Variants in WDFY4 observed in about 807,000 individuals in gnomAD.
WDFY4 encodes the protein WDFY family member 4.
WDFY4 carries 169 observed loss-of-function variants against 351.9 expected under a neutral mutation model. The observed-to-expected ratio is 0.48, with a 90% CI of 0.42 to 0.55. WDFY4 has a LOEUF of 0.55. Among genes scored for constraint, WDFY4 ranks in the 20% least tolerant of loss-of-function variants. The pLI is 0.00. For missense variants in WDFY4, 3,803 were observed against 3,935.6 expected (o/e 0.97, Z 0.90); for synonymous variants, 1,622 against 1,574.6 (o/e 1.03, Z -0.71).
chr10:48,748,684 AT>A (rs375476779), intron 12 of WDFY4, among the ~76,000 whole-genome samples: 65 of 151,288 alleles, frequency 4.3e-4, no homozygotes, highest in East Asian at 2.7e-3. Context: ...TAAATAGAGC[AT>A]TTTTTTTTCT....
At position 48,778,702 on chromosome 10, in the gene WDFY4, G is replaced by C. The variant is rs759745530; in HGVS notation, c.3267G>C (p.Pro1089=). The C allele has an allele frequency of 3.9e-5, 60 of 1,551,524 alleles. No homozygotes were observed. The highest frequency in any genetic ancestry group is 5.1e-5 in the Non-Finnish European group (58 of 1,147,020). The change falls in exon 18 of 62, where the codon CCG becomes CCC. Residue 1089 remains proline, a synonymous_variant. Transcript: ENST00000325239. ...ATGGAGCTGCCACTGAGGGCCACCC[G>C]CTGCGCTTCCTGACGTTGGTGCGCC... The part of the protein sequence containing the change: ...SRHGAATEGH[P]LRFLTLVRHL...
At chr10:48,982,419 T>G (rs1842849119) in intron 61 of WDFY4, 90 bp from the exon 62 acceptor site, 5 of 1,187,164 alleles carry the variant, frequency 4.2e-6, no homozygotes, top group South Asian at 1.6e-5. Context: ...GGGCCCCAGA[T>G]AGAGCCCCAG....
intron 47 of WDFY4, among the ~76,000 whole-genome samples, chr10:48,903,622 T>A (rs1328608441): frequency 2.0e-5 from 3 of 152,220 alleles, no homozygotes; most frequent in Non-Finnish European, 4.4e-5. Flanking sequence ...GGATTTAGGC[T>A]TCAGCAATTG....
intron 47 of WDFY4, among the ~76,000 whole-genome samples, chr10:48,940,546 G>A (rs1021074820): frequency 1.4e-4 from 22 of 152,324 alleles, no homozygotes; most frequent in East Asian, 7.7e-4. Flanking sequence ...GACTGAGCCC[G>A]GCAGGGTCCT....
intron 24 of WDFY4, among the ~76,000 whole-genome samples, chr10:48,803,017 G>A (rs1230282902): frequency 6.6e-6 from 1 of 152,216 alleles, no homozygotes; most frequent in Non-Finnish European, 1.5e-5. Flanking sequence ...GCAGATGGGG[G>A]AGATGGTTAG....
chr10:48,840,529 C>T (rs528953147), intron 39 of WDFY4, among the ~76,000 whole-genome samples: 1 of 151,630 alleles, frequency 6.6e-6, no homozygotes, highest in African/African-American at 2.4e-5. Flanking sequence ...ACACCCCCAC[C>T]CACACACACA....
rs1454140902 is a variant in WDFY4, at chr10:48,982,685, C to G, written c.*110C>G. ...AAGAAACCCCCAGGGCCTCCTTCCCCACAGTTCTCAAGGAAGGGCCTCTGG... is the reference window on the plus strand; with the variant it reads ...AAGAAACCCCCAGGGCCTCCTTCCCGACAGTTCTCAAGGAAGGGCCTCTGG... On this transcript the variant is annotated 3_prime_UTR_variant, in exon 62 of 62. Transcript: ENST00000325239. 9.0e-7 allele frequency: 1 copy of G among 1,117,080 alleles called. No homozygotes were observed. The highest frequency in any genetic ancestry group is 1.6e-5 in the African/African-American group (1 of 64,010). The allele number at this position is 1,117,080 out of a possible 1,614,324, so 69.2% of individuals were successfully genotyped here.
Position 48,895,063 on chromosome 10 carries a change from CT to C in WDFY4, c.7317-2390del, listed in dbSNP as rs113042057. Among the ~76,000 whole-genome samples, 378 of 152,334 alleles carry C rather than the reference CT, an allele frequency of 2.5e-3. 5 individuals carry two copies. Among genetic ancestry groups the C allele is most frequent in the African/African-American group, 8.7e-3 (360 of 41,570 alleles). On this transcript the variant is annotated intron_variant, in intron 44 of 61. Transcript: ENST00000325239. The stretch of plus-strand genomic sequence containing the variant: ...GAGGAGAGGGCCTGGGAGGGTTGTT[CT>C]GAGAAGGGTCTGCAGAGAGCCTGAG...
intron 7 of WDFY4, among the ~76,000 whole-genome samples, chr10:48,728,787 T>C (rs1488329745): frequency 3.3e-5 from 5 of 152,250 alleles, no homozygotes; most frequent in African/African-American, 9.6e-5. Context: ...AATTTTTGGT[T>C]CATTGGGTGT....
intron 47 of WDFY4, among the ~76,000 whole-genome samples, chr10:48,927,253 C>T (rs1206975651): frequency 6.6e-6 from 1 of 152,162 alleles, no homozygotes; most frequent in Non-Finnish European, 1.5e-5. Context: ...CACACACATC[C>T]TCAGACCCAT....
intron 13 of WDFY4, among the ~76,000 whole-genome samples, chr10:48,774,050 G>A (rs1454467746): frequency 2.6e-5 from 4 of 152,194 alleles, no homozygotes. Context: ...CATCTTTTGA[G>A]AGAGGCCACA....
intron 47 of WDFY4, among the ~76,000 whole-genome samples, chr10:48,916,124 T>A (rs1219411745): frequency 6.6e-6 from 1 of 152,150 alleles, no homozygotes; most frequent in Non-Finnish European, 1.5e-5. Context: ...ATCAGGCAGA[T>A]TGGAGAAGAA....
At chr10:48,800,325 A>AG (rs2067023338) in intron 24 of WDFY4, among the ~76,000 whole-genome samples, 1 of 152,202 alleles carries the variant, frequency 6.6e-6, no homozygotes, top group Non-Finnish European at 1.5e-5. Flanking sequence ...GAGACAAGAG[A>AG]GTGGATCACA....
At chr10:48,872,364 C>T (rs950441108) in intron 40 of WDFY4, among the ~76,000 whole-genome samples, 11 of 152,208 alleles carry the variant, frequency 7.2e-5, no homozygotes, top group Admixed American at 1.3e-4. Flanking sequence ...TGTTTGGCCA[C>T]CTGTTGGCTT....
chr10:48,842,371 G>A (rs912402246), intron 39 of WDFY4, among the ~76,000 whole-genome samples: 6 of 152,050 alleles, frequency 3.9e-5, no homozygotes, highest in African/African-American at 1.4e-4. Context: ...GACAAGCAGT[G>A]TCCTCACTGC....
In WDFY4 at chr10:48,978,413, T is replaced by G; in HGVS notation, c.9376+20T>G. On this transcript the variant is annotated intron_variant, in intron 60 of 61. Transcript: ENST00000325239. ...CAAGAGGTACCTGACCTGCTAGGGA[T>G]GTGGCCGTCCTGGCCTTGCCCTGCC... 1 of 1,544,386 alleles carries G rather than the reference T, an allele frequency of 6.5e-7. No individual in the cohort carries two copies. The highest frequency in any genetic ancestry group is 2.5e-5 in the East Asian group (1 of 40,804).
At chr10:48,803,833 C>T (rs1344662434) in intron 25 of WDFY4, among the ~76,000 whole-genome samples, 2 of 152,160 alleles carry the variant, frequency 1.3e-5, no homozygotes, top group African/African-American at 2.4e-5. Context: ...AAGAGCTGAT[C>T]TCATCCTGTA....
intron 12 of WDFY4, among the ~76,000 whole-genome samples, chr10:48,759,904 G>A (rs2065449018): frequency 6.6e-6 from 1 of 152,008 alleles, no homozygotes; most frequent in Non-Finnish European, 1.5e-5. Flanking sequence ...AAGTGTTTTA[G>A]TTGCATTCGG....
intron 24 of WDFY4, chr10:48,801,624 T>C (rs1162487835): frequency 5.1e-6 from 2 of 391,592 alleles, no homozygotes; most frequent in Non-Finnish European, 1.0e-5. Context: ...GCAGTGGCTG[T>C]GCTTAAAAAA....
Sources: gnomAD v4.1 joint callset for allele counts (sites outside exome capture counted in the v4.1 genomes callset) on GRCh38, gnomAD v4.1.1 for gene constraint, MANE v1.5 for transcripts, NCBI Gene and HGNC (gene_info 2026-07-23, HGNC 2026-07-21) for gene names.